The following ACTR3C variants were observed in gnomAD, a reference collection of about 807,000 sequenced individuals.
ACTR3C encodes actin related protein 3C.
A neutral mutation model predicts 26.3 loss-of-function variants in ACTR3C; 18 were observed. The observed-to-expected ratio is 0.68, with a 90% CI of 0.47 to 1.01. The LOEUF (loss-of-function observed/expected upper bound fraction) is 1.01, where lower values mean the gene tolerates loss of function less well. Among genes scored for constraint, ACTR3C ranks in the 50% least tolerant of loss-of-function variants. The pLI, the probability that ACTR3C is intolerant of heterozygous loss-of-function variation, is 0.00. For missense variants in ACTR3C, 184 were observed against 250.7 expected (o/e 0.73, Z 1.80); for synonymous variants, 55 against 94.5 (o/e 0.58, Z 2.42).
the ACTR3C span, chr7:150,000,773 G>A: frequency 5.8e-5 from 8 of 138,704 alleles, no homozygotes; most frequent in South Asian, 2.4e-4. Context: ...TTCCCAGCCC[G>A]CAGCTCCTGG....
intron 1 of ACTR3C, among the ~76,000 whole-genome samples, chr7:150,297,965 GAAGGA>G (rs2129613845): frequency 6.6e-6 from 1 of 151,106 alleles, no homozygotes; most frequent in East Asian, 1.9e-4. Flanking sequence ...CACAAGGAAA[GAAGGA>G]GAGAGTGTAA....
At chr7:150,280,742 C>T (rs1383808001) in intron 6 of ACTR3C, among the ~76,000 whole-genome samples, 2 of 151,800 alleles carry the variant, frequency 1.3e-5, no homozygotes, top group African/African-American at 4.9e-5. Flanking sequence ...GATGTACATA[C>T]CTGTATCAAA....
the ACTR3C span, among the ~76,000 whole-genome samples, chr7:150,118,042 T>C: frequency 6.6e-6 from 1 of 151,952 alleles, no homozygotes; most frequent in Middle Eastern, 3.2e-3. Flanking sequence ...AGCATCGACA[T>C]AAACAAAAAG....
At chr7:149,996,693 AT>A in the ACTR3C span, among the ~76,000 whole-genome samples, 1 of 150,590 alleles carries the variant, frequency 6.6e-6, no homozygotes, top group Non-Finnish European at 1.5e-5. Flanking sequence ...TCATACATTT[AT>A]TTCAGTATCC....
downstream of ACTR3C, among the ~76,000 whole-genome samples, chr7:150,239,536 C>CTATATA (rs1306541257): frequency 8.9e-4 from 100 of 112,932 alleles, no homozygotes; most frequent in Admixed American, 1.5e-3. Flanking sequence ...CTCTCTCTCT[C>CTATATA]TCTCTATATA....
the ACTR3C span, among the ~76,000 whole-genome samples, chr7:149,989,353 T>C: frequency 6.6e-6 from 1 of 152,194 alleles, no homozygotes; most frequent in Non-Finnish European, 1.5e-5. Context: ...ATACTTTACA[T>C]TATTAAATAT....
At chr7:150,191,895 T>G in the ACTR3C span, among the ~76,000 whole-genome samples, 1 of 152,268 alleles carries the variant, frequency 6.6e-6, no homozygotes, top group Non-Finnish European at 1.5e-5. Flanking sequence ...TTAAATAAGT[T>G]CCACTCTATT....
the ACTR3C span, among the ~76,000 whole-genome samples, chr7:150,029,741 C>T: frequency 6.6e-6 from 1 of 152,156 alleles, no homozygotes; most frequent in South Asian, 2.1e-4. Flanking sequence ...GGCCTAAGCC[C>T]CATGGTGCCC....
the ACTR3C span, among the ~76,000 whole-genome samples, chr7:150,104,177 T>C: frequency 6.6e-6 from 1 of 150,816 alleles, no homozygotes; most frequent in East Asian, 1.9e-4. Context: ...GAGCCTTAGG[T>C]CATGTTTTGG....
intron 6 of ACTR3C, among the ~76,000 whole-genome samples, chr7:150,277,243 C>T (rs961052849): frequency 6.6e-6 from 1 of 152,128 alleles, no homozygotes; most frequent in Admixed American, 6.5e-5. Context: ...GTAATTCCAG[C>T]ACTTTGGGAG....
At chr7:150,129,532 T>C in the ACTR3C span, among the ~76,000 whole-genome samples, 3 of 151,948 alleles carry the variant, frequency 2.0e-5, no homozygotes, top group Admixed American at 6.6e-5. Flanking sequence ...AAAACAGTTG[T>C]TCAGCAAATT....
At chr7:149,907,379 C>A in the ACTR3C span, among the ~76,000 whole-genome samples, 1 of 146,970 alleles carries the variant, frequency 6.8e-6, no homozygotes, top group African/African-American at 2.5e-5. Flanking sequence ...GCCAACTGTC[C>A]ACGGTGACCC....
chr7:150,318,191 C>A (rs991768296), intron 1 of ACTR3C, among the ~76,000 whole-genome samples: 1 of 152,004 alleles, frequency 6.6e-6, no homozygotes, highest in African/African-American at 2.4e-5. Context: ...AGGTTTCCTG[C>A]GGTTTGGATA....
the ACTR3C span, among the ~76,000 whole-genome samples, chr7:150,038,857 C>A: frequency 1.1e-4 from 14 of 129,012 alleles, no homozygotes; most frequent in African/African-American, 3.6e-4. Context: ...GAACCAGGGG[C>A]TGGCTCTCAG....
chr7:150,204,959 C>T, the ACTR3C span, among the ~76,000 whole-genome samples: 2 of 152,306 alleles, frequency 1.3e-5, no homozygotes, highest in South Asian at 2.1e-4. Flanking sequence ...TCTTCCCTTC[C>T]CCAGTGCAGG....
the ACTR3C span, among the ~76,000 whole-genome samples, chr7:150,081,031 G>C: frequency 5.6e-4 from 85 of 152,156 alleles, no homozygotes; most frequent in Non-Finnish European, 1.0e-3. Context: ...AATTTGAAAA[G>C]CAATACAACT....
intron 6 of ACTR3C, among the ~76,000 whole-genome samples, chr7:150,270,826 C>T (rs1332741118): frequency 6.6e-6 from 1 of 151,980 alleles, no homozygotes; most frequent in South Asian, 2.1e-4. Flanking sequence ...TCACATGTCC[C>T]AAGACAGCCT....
chr7:150,163,701 G>T, the ACTR3C span, among the ~76,000 whole-genome samples: 5 of 152,044 alleles, frequency 3.3e-5, no homozygotes, highest in African/African-American at 1.2e-4. Context: ...GAACCAAGGA[G>T]ACAGTGGCGT....
chr7:150,297,337 C>A (rs552878510), intron 1 of ACTR3C, among the ~76,000 whole-genome samples: 29 of 149,812 alleles, frequency 1.9e-4, no homozygotes, highest in African/African-American at 7.3e-4. Context: ...TAAATATGCA[C>A]ATTATGTGTC....
Sources: allele counts gnomAD v4.1 joint callset (sites outside exome capture counted in the v4.1 genomes callset), GRCh38; gene constraint gnomAD v4.1.1; transcripts MANE v1.5; gene names NCBI Gene and HGNC (gene_info 2026-07-23, HGNC 2026-07-21).